IFT80: variants seen among roughly 807,000 people sequenced by gnomAD.
IFT80 encodes intraflagellar transport protein 80 homolog.
A neutral mutation model predicts 107.9 loss-of-function variants in IFT80; 79 were observed. That is an observed-to-expected ratio of 0.73 (90% CI 0.61 to 0.88). IFT80 has a LOEUF of 0.88. Among genes scored for constraint, IFT80 ranks in the 40% least tolerant of loss-of-function variants. IFT80 has a pLI of 0.00. For synonymous variants in IFT80, 299 were observed against 300.9 expected, an observed-to-expected ratio of 0.99 and a Z score of 0.07; for missense variants, 797 against 914.2, an observed-to-expected ratio of 0.87 and a Z score of 1.65.
At chr3:160,268,817 A>C (rs1576726452) in intron 18 of IFT80, 1 of 371,968 alleles carries the variant, frequency 2.7e-6, no homozygotes, top group Non-Finnish European at 5.0e-6. Flanking sequence ...TTATTACAGC[A>C]CTCCTTATAG....
chr3:160,277,701 A>G (rs763492505), intron 16 of IFT80, 31 bp from the exon 17 acceptor site: 2 of 1,396,828 alleles, frequency 1.4e-6, no homozygotes, highest in South Asian at 2.3e-5. Flanking sequence ...AATTATCTTA[A>G]CTATGTGACT....
At chr3:160,301,192 T>G in intron 11 of IFT80, 146 bp from the exon 12 acceptor site, 4 of 810,402 alleles carry the variant, frequency 4.9e-6, no homozygotes, top group Non-Finnish European at 7.1e-6. Flanking sequence ...ACAAAACATT[T>G]TAAACACTGA....
At chr3:160,320,431 CT>C (rs530699154) in intron 8 of IFT80, among the ~76,000 whole-genome samples, 16 of 147,834 alleles carry the variant, frequency 1.1e-4, no homozygotes, top group East Asian at 2.0e-4. Flanking sequence ...TATTTCTTTT[CT>C]TTTTTTTTTA....
At chr3:160,394,564 CA>C (rs1048852094) in intron 1 of IFT80, among the ~76,000 whole-genome samples, 1 of 152,086 alleles carries the variant, frequency 6.6e-6, no homozygotes, top group Non-Finnish European at 1.5e-5. Context: ...AGCCATACTT[CA>C]ATATTATTCG....
chr3:160,347,556 G>A (rs1294770045), intron 8 of IFT80, among the ~76,000 whole-genome samples: 2 of 152,074 alleles, frequency 1.3e-5, no homozygotes, highest in African/African-American at 2.4e-5. Flanking sequence ...TAAAGAGGAA[G>A]GAAAAGATGA....
At chr3:160,359,424 G>C (rs1445996497) in intron 6 of IFT80, among the ~76,000 whole-genome samples, 1 of 152,166 alleles carries the variant, frequency 6.6e-6, no homozygotes, top group Non-Finnish European at 1.5e-5. Context: ...CTCCCAGTGT[G>C]ATCGACACAG....
intron 19 of IFT80, among the ~76,000 whole-genome samples, chr3:160,267,009 C>A (rs907092675): frequency 2.0e-5 from 3 of 152,064 alleles, no homozygotes; most frequent in Admixed American, 2.0e-4. Flanking sequence ...TCCCAGGATT[C>A]ACTTCAGTAC....
At chr3:160,262,839 A>G (rs958864029) in intron 19 of IFT80, among the ~76,000 whole-genome samples, 7 of 152,158 alleles carry the variant, frequency 4.6e-5, no homozygotes, top group African/African-American at 1.7e-4. Context: ...CAACCTCTTA[A>G]CTGTTAATAT....
intron 2 of IFT80, 45 bp from the exon 3 acceptor site, chr3:160,381,769 T>C: frequency 6.9e-7 from 1 of 1,444,992 alleles, no homozygotes; most frequent in Admixed American, 1.7e-5. Flanking sequence ...AAGTCTTTAA[T>C]CTTAATGAAT....
intron 9 of IFT80, among the ~76,000 whole-genome samples, chr3:160,318,673 T>G (rs577754254): frequency 6.6e-6 from 1 of 152,062 alleles, no homozygotes; most frequent in Non-Finnish European, 1.5e-5. Context: ...CCTTCTTGTA[T>G]TAATCTACAA....
At chr3:160,274,009 G>A (rs2108219734) in intron 18 of IFT80, among the ~76,000 whole-genome samples, 1 of 152,262 alleles carries the variant, frequency 6.6e-6, no homozygotes, top group Non-Finnish European at 1.5e-5. Flanking sequence ...CCCTCTCCCT[G>A]AGATCTAATG....
At position 160,287,870 on chromosome 3, in the gene IFT80, A is replaced by G. The variant is rs369194512; in HGVS notation, c.1316-2002T>C. ...AAGGAATGAATGTGTTGGGAAAGAT[A>G]TTGGATTCTTGCCAGTTCAAGGAAC... On this transcript the variant is annotated intron_variant, in intron 12 of 19. Transcript: ENST00000326448. Among the ~76,000 whole-genome samples the G allele has an allele frequency of 2.2e-4, 34 of 152,306 alleles. No individual in the cohort carries two copies. In the South Asian group the frequency reaches 6.6e-3, roughly 30 times the overall value.
At chr3:160,290,326 T>C (rs778848391) in intron 12 of IFT80, among the ~76,000 whole-genome samples, 1 of 150,642 alleles carries the variant, frequency 6.6e-6, no homozygotes, top group African/African-American at 2.4e-5. Context: ...GAGAATCACT[T>C]GAACCTGGGA....
chr3:160,383,394 T>C, intron 2 of IFT80: 4 of 829,498 alleles, frequency 4.8e-6, no homozygotes, highest in Non-Finnish European at 5.8e-6. Context: ...CTTCACTTAA[T>C]AGTTAAATAA....
At chr3:160,267,820 G>A (rs1018554286) in intron 19 of IFT80, among the ~76,000 whole-genome samples, 1 of 152,196 alleles carries the variant, frequency 6.6e-6, no homozygotes, top group African/African-American at 2.4e-5. Context: ...TCCTGCCTCA[G>A]CCTCCCAAGT....
intron 8 of IFT80, among the ~76,000 whole-genome samples, chr3:160,341,853 T>C (rs1244635896): frequency 6.6e-6 from 1 of 152,220 alleles, no homozygotes; most frequent in Non-Finnish European, 1.5e-5. Flanking sequence ...GATCTGGCTA[T>C]ATCCTTTCCC....
intron 8 of IFT80, among the ~76,000 whole-genome samples, chr3:160,351,387 A>C (rs913857964): frequency 6.7e-6 from 1 of 149,572 alleles, no homozygotes; most frequent in African/African-American, 2.4e-5. Flanking sequence ...TTGTTAAATT[A>C]TAAAGAATGT....
chr3:160,280,749 G>A lies in IFT80; in HGVS notation c.1582C>T (p.Arg528Ter). The A allele has an allele frequency of 1.9e-6, 3 of 1,612,198 alleles. No homozygotes were observed. Among genetic ancestry groups the A allele is most frequent in the Non-Finnish European group, 2.5e-6 (3 of 1,178,554 alleles). ...TTGGGGTAATACCACACTATAAATC[G>A]AGTATCTTGAAGTCCACAAAGGATA... ...CNILCGLQDT[R>*]FIVWYYPNTV... Residue 528 changes from arginine to a stop codon, truncating the protein, a stop_gained, in exon 15 of 20, where the codon CGA (arginine) becomes TGA (stop). Coordinates refer to ENST00000326448, the MANE Select transcript of IFT80 (RefSeq NM_020800.3). LOFTEE classifies it high-confidence loss of function.
chr3:160,309,601 G>A (rs568760652), intron 9 of IFT80, among the ~76,000 whole-genome samples: 65 of 152,116 alleles, frequency 4.3e-4, no homozygotes, highest in African/African-American at 1.5e-3. Flanking sequence ...GCAGGAGAAT[G>A]GCATGACCCC....
Sources: allele counts gnomAD v4.1 joint callset (sites outside exome capture counted in the v4.1 genomes callset), GRCh38; gene constraint gnomAD v4.1.1; transcripts MANE v1.5; gene names NCBI Gene and HGNC (gene_info 2026-07-23, HGNC 2026-07-21).